VEPH1: variants seen among roughly 807,000 people sequenced by gnomAD.
VEPH1 encodes the protein ventricular zone expressed PH domain containing 1, also known as ventricular zone-expressed PH domain-containing protein homolog 1.
VEPH1 carries 80 observed loss-of-function variants against 85.2 expected under a neutral mutation model. The observed-to-expected ratio is 0.94, with a 90% CI of 0.78 to 1.13. The LOEUF is 1.13. Ranked by LOEUF, VEPH1 falls within the 50% of genes most tolerant of loss-of-function variation. The pLI is 0.00. For synonymous variants in VEPH1, 297 were observed against 348.0 expected, an observed-to-expected ratio of 0.85 and a Z score of 1.63; for missense variants, 955 against 980.5, an observed-to-expected ratio of 0.97 and a Z score of 0.35.
At chr3:157,403,895 G>A (rs1274263889) in intron 6 of VEPH1, among the ~76,000 whole-genome samples, 1 of 151,998 alleles carries the variant, frequency 6.6e-6, no homozygotes, top group Non-Finnish European at 1.5e-5. Context: ...GGATCCTCAG[G>A]AGCAGTACTA....
At chr3:157,423,225 T>C (rs908539244) in intron 5 of VEPH1, among the ~76,000 whole-genome samples, 5 of 152,214 alleles carry the variant, frequency 3.3e-5, no homozygotes, top group Admixed American at 3.3e-4. Flanking sequence ...TATAGTGCAC[T>C]GAAAGAAACA....
At chr3:157,300,439 G>C (rs1274198988) in intron 11 of VEPH1, among the ~76,000 whole-genome samples, 3 of 152,112 alleles carry the variant, frequency 2.0e-5, no homozygotes, top group Non-Finnish European at 4.4e-5. Context: ...AGGACAGTCT[G>C]GCTTGTGAAA....
intron 4 of VEPH1, among the ~76,000 whole-genome samples, chr3:157,455,982 G>T (rs1735344571): frequency 6.6e-6 from 1 of 152,098 alleles, no homozygotes; most frequent in Admixed American, 6.6e-5. Flanking sequence ...TCTGTTTTTA[G>T]GTTTTTGAGG....
At chr3:157,502,699 A>G (rs988917108) in intron 1 of VEPH1, among the ~76,000 whole-genome samples, 2 of 152,068 alleles carry the variant, frequency 1.3e-5, no homozygotes, top group East Asian at 1.9e-4. Context: ...ATTTAATCCA[A>G]TGGTTGATTA....
chr3:157,314,386 A>G (rs1720516276), intron 10 of VEPH1, among the ~76,000 whole-genome samples: 2 of 149,710 alleles, frequency 1.3e-5, no homozygotes, highest in South Asian at 4.2e-4. Flanking sequence ...GATCAAACAT[A>G]TGATATATTT....
intron 12 of VEPH1, among the ~76,000 whole-genome samples, chr3:157,265,951 T>C (rs1482472752): frequency 1.3e-5 from 2 of 151,498 alleles, no homozygotes; most frequent in Non-Finnish European, 2.9e-5. Context: ...TATTTAGCTT[T>C]CTGTGCTTGG....
intron 9 of VEPH1, among the ~76,000 whole-genome samples, chr3:157,359,644 C>T (rs1251622674): frequency 2.0e-5 from 3 of 152,172 alleles, no homozygotes; most frequent in South Asian, 2.1e-4. Flanking sequence ...AGATGGCTGA[C>T]TGGAGTTATG....
At chr3:157,292,675 G>A (rs1202577777) in intron 11 of VEPH1, among the ~76,000 whole-genome samples, 1 of 149,586 alleles carries the variant, frequency 6.7e-6, no homozygotes, top group Admixed American at 6.7e-5. Context: ...CTGGGCAACA[G>A]AGTGAGACCT....
At chr3:157,395,277 C>T (rs745803936) in intron 6 of VEPH1, among the ~76,000 whole-genome samples, 1 of 152,208 alleles carries the variant, frequency 6.6e-6, no homozygotes, top group Non-Finnish European at 1.5e-5. Context: ...CAAATCCTGT[C>T]CCTTCCATAA....
chr3:157,314,201 C>T (rs568427087), intron 10 of VEPH1, among the ~76,000 whole-genome samples: 2 of 151,186 alleles, frequency 1.3e-5, no homozygotes, highest in East Asian at 1.9e-4. Flanking sequence ...GGCGTGGTGG[C>T]GGGAGCCTGT....
chr3:157,449,374 T>G (rs1175615325), intron 4 of VEPH1, among the ~76,000 whole-genome samples: 1 of 152,198 alleles, frequency 6.6e-6, no homozygotes. Flanking sequence ...CATCTGCTAT[T>G]AATTTATGCA....
intron 6 of VEPH1, chr3:157,409,867 C>T (rs1296606340): frequency 1.0e-6 from 1 of 985,304 alleles, no homozygotes; most frequent in Non-Finnish European, 1.2e-6. Context: ...TGCAAACCCA[C>T]AGGAGACTCT....
Position 157,261,007 on chromosome 3 carries a change from G to T in VEPH1, c.*127C>A, listed in dbSNP as rs1193599072. 1.7e-5 allele frequency: 23 copies of T among 1,345,294 alleles called. No homozygotes were observed. The highest frequency in any genetic ancestry group is 2.2e-5 in the Non-Finnish European group (22 of 985,740). The allele number at this position is 1,345,294 out of a possible 1,614,324, so 83.3% of individuals were successfully genotyped here. ...GCCATTTTAGGCCCTTCTTCTTAAA[G>T]GACAACAATTCCATTGGTATTTAGT... is the stretch of plus-strand genomic sequence containing the variant. On this transcript the variant is annotated 3_prime_UTR_variant, in exon 14 of 14. Coordinates refer to ENST00000362010, the MANE Select transcript of VEPH1 (RefSeq NM_001167912.2).
chr3:157,452,785 T>C (rs1735079294), intron 4 of VEPH1, among the ~76,000 whole-genome samples: 2 of 152,230 alleles, frequency 1.3e-5, no homozygotes, highest in South Asian at 4.1e-4. Flanking sequence ...ATCTTGCTTT[T>C]AACTCCTCTA....
chr3:157,354,390 C>T (rs1725203210), intron 9 of VEPH1, among the ~76,000 whole-genome samples: 1 of 152,174 alleles, frequency 6.6e-6, no homozygotes, highest in Admixed American at 6.5e-5. Flanking sequence ...GCCCAACCCA[C>T]CAGCACTGCT....
At chr3:157,410,024 G>A (rs944697293) in intron 6 of VEPH1, 2 of 813,342 alleles carry the variant, frequency 2.5e-6, no homozygotes, top group Non-Finnish European at 1.5e-6. Flanking sequence ...AAAAGTTGGA[G>A]CAGGATCTCA....
At chr3:157,285,669 T>C (rs1192505588) in intron 12 of VEPH1, among the ~76,000 whole-genome samples, 1 of 152,182 alleles carries the variant, frequency 6.6e-6, no homozygotes. Context: ...AAAGGGCACA[T>C]TAGTGATGAA....
chr3:157,342,366 G>A (rs1381719920), intron 9 of VEPH1, among the ~76,000 whole-genome samples: 1 of 152,104 alleles, frequency 6.6e-6, no homozygotes, highest in Non-Finnish European at 1.5e-5. Context: ...AAAAAGGCAG[G>A]GGTTGCAATC....
chr3:157,476,189 A>C (rs1737457979), intron 2 of VEPH1, among the ~76,000 whole-genome samples: 2 of 152,212 alleles, frequency 1.3e-5, no homozygotes, highest in African/African-American at 4.8e-5. Flanking sequence ...CCAGCAACAG[A>C]GGCCCCTGCT....
Sources: allele counts gnomAD v4.1 joint callset (sites outside exome capture counted in the v4.1 genomes callset), GRCh38; gene constraint gnomAD v4.1.1; transcripts MANE v1.5; gene names NCBI Gene and HGNC (gene_info 2026-07-23, HGNC 2026-07-21).